The following CLN3 variants were observed in gnomAD, a reference collection of about 807,000 sequenced individuals.
CLN3 encodes battenin.
CLN3 carries 49 observed loss-of-function variants against 60.7 expected under a neutral mutation model. The ratio of observed to expected loss-of-function variants is 0.81; its 90% CI spans 0.64 to 1.02. The LOEUF is 1.02. CLN3 is among the 50% of genes least tolerant of loss of function. The probability of loss-of-function intolerance (pLI) is 0.00; values close to 1 mark genes in which losing one functional copy is unlikely to be tolerated. For missense variants in CLN3, 516 were observed against 557.4 expected (o/e 0.93, Z 0.75); for synonymous variants, 256 against 245.8 (o/e 1.04, Z -0.39).
chr16:28,487,230 T>C, intron 7 of CLN3: 1 of 613,402 alleles, frequency 1.6e-6, no homozygotes. Flanking sequence ...GTCTTGACTT[T>C]GTTCACCTCA....
Position 28,487,513 on chromosome 16 carries a change from C to T in CLN3, c.403G>A (p.Ala135Thr), listed in dbSNP as rs1314360861. The T allele has an allele frequency of 6.2e-7, 1 of 1,613,966 alleles. No individual in the cohort carries two copies. Among genetic ancestry groups the T allele is most frequent in the Admixed American group, 1.7e-5 (1 of 59,960 alleles). The change falls in exon 7 of 16, where the codon GCT becomes ACT. Residue 135 changes from alanine to threonine, a missense_variant. Ala to Thr is a moderately conservative substitution (Grantham distance 58, BLOSUM62 0). Transcript: ENST00000636147. Reference sequence around the variant, plus strand: ...GCAACCAGGACGAAGCTTCCAGCAGCACAAATCCCACTGACGAGAACCCGG... The same window carrying T: ...GCAACCAGGACGAAGCTTCCAGCAGTACAAATCCCACTGACGAGAACCCGG... ...SPRVLVSGIC[A>T]AGSFVLVAFS...
In CLN3 at chr16:28,477,863, C is replaced by A. The variant is rs146467602; in HGVS notation, c.1071G>T (p.Val357=). ...ALALLQCLNL[V]FLLADVWFGF... is the part of the protein sequence containing the mutation. ...CGAACCACACGTCTGCCAGCAGGAACACCAGGTTGAGGCACTGTGAACAGG... is the reference window on the plus strand; with the variant it reads ...CGAACCACACGTCTGCCAGCAGGAAAACCAGGTTGAGGCACTGTGAACAGG... Residue 357 remains valine (V), a synonymous_variant, in exon 15 of 16, where the codon GTG becomes GTT. Transcript: ENST00000636147. 1 of 1,614,044 alleles carries A rather than the reference C, an allele frequency of 6.2e-7. No homozygotes were observed. The highest frequency in any genetic ancestry group is 1.3e-5 in the African/African-American group (1 of 75,044).
chr16:28,487,188 G>C (rs2046234310), intron 7 of CLN3: 1 of 548,620 alleles, frequency 1.8e-6, no homozygotes, highest in Non-Finnish European at 3.3e-6. Context: ...TGGGATTATA[G>C]GCATGAGTCA....
At chr16:28,482,785 C>A in intron 10 of CLN3, 113 bp from the exon 11 acceptor site, 1 of 1,119,534 alleles carries the variant, frequency 8.9e-7, no homozygotes, top group East Asian at 2.5e-5. Context: ...AACTCACTTC[C>A]ATGCCACTGG....
chr16:28,470,813 G>A (rs1471015047), downstream of CLN3, among the ~76,000 whole-genome samples: 4 of 144,068 alleles, frequency 2.8e-5, no homozygotes, highest in East Asian at 8.7e-4. Context: ...AGAAGATCAG[G>A]GAAGCAACAG....
At chr16:28,472,800 CAA>C (rs34795595), downstream of CLN3, among the ~76,000 whole-genome samples, 80 of 85,006 alleles carry the variant, frequency 9.4e-4, no homozygotes, top group South Asian at 1.5e-3. Context: ...AACTCTGTTT[CAA>C]AAAAAAAAAA....
rs1392387565 is a variant in CLN3, at chr16:28,486,606, A to C, written c.505T>G (p.Phe169Val). ...SISSGLGEVT[F>V]LSLTAFYPRA... Reference sequence around the variant, plus strand: ...GGGTAGAAGGCAGTGAGGGAGAGGAAGGTGACCTCCCCAAGGCCTGATGAG... The same window carrying C: ...GGGTAGAAGGCAGTGAGGGAGAGGACGGTGACCTCCCCAAGGCCTGATGAG... Residue 169 changes from phenylalanine (F) to valine (V), a missense_variant, in exon 8 of 16, where the codon TTC (phenylalanine) becomes GTC (valine). Coordinates refer to ENST00000636147, the MANE Select transcript of CLN3 (RefSeq NM_001042432.2). 1 of 1,611,534 alleles carries C rather than the reference A, an allele frequency of 6.2e-7. No homozygotes were observed. The highest frequency in any genetic ancestry group is 1.7e-5 in the Admixed American group (1 of 59,666).
intron 3 of CLN3, among the ~76,000 whole-genome samples, chr16:28,490,033 G>C (rs1046405284): frequency 6.6e-6 from 1 of 150,420 alleles, no homozygotes; most frequent in Non-Finnish European, 1.5e-5. Flanking sequence ...CTCCAGCCTG[G>C]GCTACAAGAG....
Position 28,491,520 on chromosome 16 carries a change from G to C in CLN3, c.87C>G (p.Asp29Glu), listed in dbSNP as rs1131691496. The change falls in exon 3 of 16, where the codon GAC (aspartate) becomes GAG (glutamate). Residue 29 changes from aspartate to glutamate, a missense_variant. Asp to Glu is a conservative substitution (Grantham distance 45). Transcript: ENST00000636147. ...TVPEPRLPLL[D>E]HQGAHWKNAV... is the part of the protein sequence containing the mutation. ...CGTTCTTCCAATGCGCGCCCTGATG[G>C]TCCAACAGAGGGAGCCGGGGCTCCG... The C allele has an allele frequency of 6.2e-7, 1 of 1,614,030 alleles. No homozygotes were observed. Among genetic ancestry groups the C allele is most frequent in the African/African-American group, 1.3e-5 (1 of 75,062 alleles).
At chr16:28,474,103 A>G (rs1028156322), downstream of CLN3, 5 of 152,308 alleles carry the variant, frequency 3.3e-5, no homozygotes, top group African/African-American at 9.6e-5. Flanking sequence ...CCTCGTCTCC[A>G]TAACAAATAC....
chr16:28,470,663 TAAGGG>T, downstream of CLN3: 1 of 138,476 alleles, frequency 7.2e-6, no homozygotes, highest in Non-Finnish European at 1.3e-5. Flanking sequence ...AGGGGGGAAG[TAAGGG>T]AAGGGAAAGG....
intron 5 of CLN3, chr16:28,488,324 TTTTA>T: frequency 6.5e-6 from 1 of 152,970 alleles, no homozygotes; most frequent in Non-Finnish European, 1.4e-5. Flanking sequence ...GTCTCAATTA[TTTTA>T]TATATATATA....
chr16:28,486,315 A>G (rs1292512791), intron 9 of CLN3, 32 bp downstream of exon 9: 1 of 1,610,070 alleles, frequency 6.2e-7, no homozygotes, highest in South Asian at 1.1e-5. Flanking sequence ...CTCTCCTTGG[A>G]CCCCTCTCCC....
At position 28,482,460 on chromosome 16, in the gene CLN3, T is replaced by C. The variant is rs1272528353; in HGVS notation, c.906+17A>G. The C allele has an allele frequency of 1.2e-6, 2 of 1,613,932 alleles. No individual in the cohort carries two copies. Among genetic ancestry groups the C allele is most frequent in the African/African-American group, 1.3e-5 (1 of 74,936 alleles). ...CCAATCGCCACCTCCACACCCCTCC[T>C]AGCACCCCTCACTTACAAGTCCCTG... On this transcript the variant is annotated intron_variant, in intron 12 of 15. Coordinates refer to ENST00000636147, the MANE Select transcript of CLN3 (RefSeq NM_001042432.2).
chr16:28,491,650 A>G (rs772291043), intron 2 of CLN3, 64 bp downstream of exon 2: 30 of 1,613,748 alleles, frequency 1.9e-5, no homozygotes, highest in Non-Finnish European at 2.5e-5. Flanking sequence ...GTCAGCTCTC[A>G]TTCCCCTCAG....
rs760562597 is a variant in CLN3, at chr16:28,491,808, A to AGGGGGCTCC, written c.-58_-50dup. On this transcript the variant is annotated 5_prime_UTR_variant, in exon 2 of 16. Transcript: ENST00000636147. ...GGGTCCAGGGTCATAGAGTGTCCAAAGGGGGCTCCCACGGGAGGGATGAGG... is the reference window on the plus strand; with the variant it reads ...GGGTCCAGGGTCATAGAGTGTCCAAAGGGGGCTCCGGGGGCTCCCACGGGAGGGATGAGG... 1 of 1,607,974 alleles carries AGGGGGCTCC rather than the reference A, an allele frequency of 6.2e-7. No individual in the cohort carries two copies. Among genetic ancestry groups the AGGGGGCTCC allele is most frequent in the East Asian group, 2.2e-5 (1 of 44,770 alleles).
At chr16:28,482,802 C>G in intron 10 of CLN3, 130 bp from the exon 11 acceptor site, 1 of 995,128 alleles carries the variant, frequency 1.0e-6, no homozygotes, top group Non-Finnish European at 1.6e-6. Context: ...CTGGATTGGA[C>G]ACTTAAAAAT....
chr16:28,475,572 A>T (rs2141690868), downstream of CLN3: 1 of 152,354 alleles, frequency 6.6e-6, no homozygotes, highest in East Asian at 1.9e-4. Flanking sequence ...GCTATTAACC[A>T]GTGGGTCAGC....
intron 14 of CLN3, 64 bp downstream of exon 14, chr16:28,482,041 G>T: frequency 7.9e-7 from 1 of 1,267,182 alleles, no homozygotes; most frequent in South Asian, 1.2e-5. Context: ...CAGGGGGTTT[G>T]GGGAAGCTGG....
Sources: allele counts gnomAD v4.1 joint callset (sites outside exome capture counted in the v4.1 genomes callset), GRCh38; gene constraint gnomAD v4.1.1; transcripts MANE v1.5; gene names NCBI Gene and HGNC (gene_info 2026-07-23, HGNC 2026-07-21).